The following PSMD1 variants were observed in gnomAD, a reference collection of about 807,000 sequenced individuals.
PSMD1 encodes the protein 26S proteasome non-ATPase regulatory subunit 1.
PSMD1 carries 18 observed loss-of-function variants against 119.0 expected under a neutral mutation model. That is an observed-to-expected ratio of 0.15 (90% CI 0.10 to 0.22). PSMD1 has a LOEUF of 0.22. Among genes scored for constraint, PSMD1 ranks in the 10% least tolerant of loss-of-function variants. The pLI is 1.00. For missense variants in PSMD1, 702 were observed against 1,158.5 expected (o/e 0.61, Z 5.72); for synonymous variants, 374 against 396.6 (o/e 0.94, Z 0.68).
chr2:231,061,938 A>G (rs1288507360), intron 2 of PSMD1, among the ~76,000 whole-genome samples: 1 of 152,088 alleles, frequency 6.6e-6, no homozygotes, highest in Non-Finnish European at 1.5e-5. Flanking sequence ...CACATATTTA[A>G]AGTTTTTTAT....
chr2:231,130,515 G>A (rs1695829267), intron 16 of PSMD1, among the ~76,000 whole-genome samples: 1 of 152,148 alleles, frequency 6.6e-6, no homozygotes, highest in African/African-American at 2.4e-5. Context: ...CTGTTGCCCA[G>A]GCTGTAGTGC....
At chr2:231,123,912 A>G (rs565666997) in intron 16 of PSMD1, 138 of 697,362 alleles carry the variant, frequency 2.0e-4, no homozygotes, top group African/African-American at 1.9e-3. Flanking sequence ...AAAAAATTCA[A>G]GTTCTCTAAA....
At chr2:231,074,318 C>CT (rs1416076588) in intron 7 of PSMD1, among the ~76,000 whole-genome samples, 2 of 152,124 alleles carry the variant, frequency 1.3e-5, no homozygotes, top group Non-Finnish European at 2.9e-5. Context: ...ATTGGCCAGG[C>CT]TGGTCTCGAA....
At chr2:231,123,278 G>A in intron 16 of PSMD1, 4 of 736,380 alleles carry the variant, frequency 5.4e-6, no homozygotes, top group Non-Finnish European at 9.6e-6. Context: ...ACAAGGGACT[G>A]TTTACTTGCC....
At chr2:231,083,851 A>C in intron 14 of PSMD1, 88 bp downstream of exon 14, 1 of 1,293,912 alleles carries the variant, frequency 7.7e-7, no homozygotes, top group Non-Finnish European at 1.1e-6. Context: ...TGTTCCCATC[A>C]GAACATGTAG....
intron 16 of PSMD1, among the ~76,000 whole-genome samples, chr2:231,094,004 G>A (rs1694664708): frequency 6.6e-6 from 1 of 152,196 alleles, no homozygotes; most frequent in South Asian, 2.1e-4. Context: ...GGAAAAGTAT[G>A]TGCACTAATT....
At chr2:231,157,238 G>T (rs746136746) in intron 19 of PSMD1, among the ~76,000 whole-genome samples, 16 of 151,870 alleles carry the variant, frequency 1.1e-4, no homozygotes, top group Non-Finnish European at 2.2e-4. Flanking sequence ...CTGTAGGGTA[G>T]CCCTGCTCTG....
chr2:231,062,344 C>G (rs1039000435), intron 3 of PSMD1, 23 bp downstream of exon 3: 2 of 1,570,474 alleles, frequency 1.3e-6, no homozygotes, highest in East Asian at 2.2e-5. Flanking sequence ...TTTTATAAAT[C>G]AGAATAAGAT....
In PSMD1 at chr2:231,170,974, A is replaced by G. The variant is rs922789176; in HGVS notation, c.*9+253A>G. Reference sequence around the variant, plus strand: ...CTGCAAACTATTTTTATAGGTCCATAAGGAGATAGGAAGCTTACTCCAGAA... The same window carrying G: ...CTGCAAACTATTTTTATAGGTCCATGAGGAGATAGGAAGCTTACTCCAGAA... On this transcript the variant is annotated intron_variant, in intron 24 of 24. Coordinates refer to ENST00000308696, the MANE Select transcript of PSMD1 (RefSeq NM_002807.4). This position sits in a 1 kb window ranked among gnomAD's most constrained non-coding sequence, Gnocchi z 4.1. Among the ~76,000 whole-genome samples, 2 of 152,166 alleles carry G rather than the reference A, an allele frequency of 1.3e-5. No individual in the cohort carries two copies.
At chr2:231,114,530 C>T (rs534062493) in intron 16 of PSMD1, among the ~76,000 whole-genome samples, 16 of 152,140 alleles carry the variant, frequency 1.1e-4, no homozygotes, top group South Asian at 2.1e-4. Context: ...TCAGATTATC[C>T]GGAAGAAAAG....
At position 231,113,776 on chromosome 2, in the gene PSMD1, C is replaced by T. The variant is rs747647526; in HGVS notation, c.1884-24960C>T. The T allele has an allele frequency of 5.0e-6, 8 of 1,613,882 alleles. No homozygotes were observed. The East Asian group carries it at 8.9e-5, about 18-fold the overall frequency. On this transcript the variant is annotated intron_variant, in intron 16 of 24. Transcript: ENST00000308696. The stretch of plus-strand genomic sequence containing the variant: ...TGTAATCTTGATGAATGCTGTAGCC[C>T]GTGAGTTATATTGATTGGCCTGGAT...
intron 16 of PSMD1, among the ~76,000 whole-genome samples, chr2:231,104,669 C>T (rs2125197333): frequency 6.6e-6 from 1 of 152,178 alleles, no homozygotes; most frequent in East Asian, 1.9e-4. Context: ...TAATAAATTT[C>T]CCCACTGTCA....
intron 1 of PSMD1, among the ~76,000 whole-genome samples, chr2:231,058,962 C>G (rs1559214297): frequency 6.6e-6 from 1 of 152,144 alleles, no homozygotes; most frequent in Admixed American, 6.5e-5. Context: ...GTCTCTCTCT[C>G]TCTCTCTGGT....
intron 10 of PSMD1, 44 bp downstream of exon 10, chr2:231,078,791 CTTTTTTTTTTTTT>C (rs748353083): frequency 1.2e-5 from 4 of 342,880 alleles, no homozygotes; most frequent in East Asian, 1.8e-4. Flanking sequence ...AAATCTTTTT[CTTTTTTTTTTTTT>C]TTTTTTTTTT....
intron 18 of PSMD1, among the ~76,000 whole-genome samples, 196 bp downstream of exon 18, chr2:231,146,552 T>G (rs1043000116): frequency 7.3e-5 from 11 of 150,634 alleles, no homozygotes; most frequent in Non-Finnish European, 1.5e-4. Flanking sequence ...TTTTTTAGAC[T>G]TAATGGTCCC....
intron 4 of PSMD1, among the ~76,000 whole-genome samples, chr2:231,063,005 C>T (rs113219629): frequency 1.8e-4 from 28 of 152,290 alleles, no homozygotes; most frequent in African/African-American, 6.5e-4. Context: ...TTGTGCTAGG[C>T]ACCGTGCTAG....
At chr2:231,091,568 G>T (rs1212796468) in intron 16 of PSMD1, among the ~76,000 whole-genome samples, 1 of 152,166 alleles carries the variant, frequency 6.6e-6, no homozygotes, top group East Asian at 1.9e-4. Context: ...TCGTTTTCCA[G>T]CTTTGCATCC....
intron 16 of PSMD1, among the ~76,000 whole-genome samples, chr2:231,096,979 G>A (rs1694744090): frequency 6.6e-6 from 1 of 152,222 alleles, no homozygotes; most frequent in African/African-American, 2.4e-5. Flanking sequence ...AAGTTTAAAA[G>A]TAGAAGGCAA....
At chr2:231,098,324 A>T (rs1355511441) in intron 16 of PSMD1, among the ~76,000 whole-genome samples, 1 of 152,100 alleles carries the variant, frequency 6.6e-6, no homozygotes, top group Non-Finnish European at 1.5e-5. Context: ...TTTTTAATTT[A>T]TCCTGGCTTT....
Sources: allele counts gnomAD v4.1 joint callset (sites outside exome capture counted in the v4.1 genomes callset), GRCh38; gene constraint gnomAD v4.1.1; non-coding constraint Gnocchi (gnomAD v3.1); transcripts MANE v1.5; gene names NCBI Gene and HGNC (gene_info 2026-07-23, HGNC 2026-07-21).